Variants in SECISBP2L observed in about 807,000 individuals in gnomAD.
SECISBP2L encodes the protein selenocysteine insertion sequence-binding protein 2-like.
SECISBP2L carries 43 observed loss-of-function variants against 114.7 expected under a neutral mutation model. That is an observed-to-expected ratio of 0.38 (90% confidence interval 0.29 to 0.48). SECISBP2L has a LOEUF of 0.48. SECISBP2L is among the 20% of genes least tolerant of loss of function. The pLI is 0.98. For missense variants in SECISBP2L, 1,136 were observed against 1,301.1 expected (o/e 0.87, Z 1.95); for synonymous variants, 451 against 439.7 (o/e 1.03, Z -0.32).
At chr15:48,993,100 A>AGAGT (rs772299775) in intron 17 of SECISBP2L, among the ~76,000 whole-genome samples, 174 bp from the exon 18 acceptor site, 1,730 of 139,172 alleles carry the variant, frequency 0.012, 13 homozygotes, top group East Asian at 0.036. Context: ...ACAGAGAGAG[A>AGAGT]GTGTGTGTGT....
At chr15:49,026,282 AG>A (rs1902741252) in intron 7 of SECISBP2L, among the ~76,000 whole-genome samples, 1 of 152,168 alleles carries the variant, frequency 6.6e-6, no homozygotes, top group South Asian at 2.1e-4. Flanking sequence ...AGTTACATAG[AG>A]GGAATAAATT....
In SECISBP2L at chr15:48,988,780, C is replaced by T. The variant is rs186695060; in HGVS notation, c.*3464G>A. On this transcript the variant is annotated 3_prime_UTR_variant, in exon 18 of 18. Coordinates refer to ENST00000559471, the MANE Select transcript of SECISBP2L (RefSeq NM_001193489.2). ...AGATGAAAATCCCTTCATGTTATAA[C>T]TCACACTAATTTTGCTAGTTTTTTA... 1.4e-4 allele frequency: 34 copies of T among 247,098 alleles called. No individual in the cohort carries two copies. The East Asian group carries it at 3.0e-3, about 22-fold the overall frequency. The allele number at this position is 247,098 out of a possible 1,614,324, so 15.3% of individuals were successfully genotyped here.
At chr15:49,029,740 T>C (rs1252847792) in intron 4 of SECISBP2L, among the ~76,000 whole-genome samples, 1 of 152,192 alleles carries the variant, frequency 6.6e-6, no homozygotes. Context: ...AGGTACTTAA[T>C]AGACAGTTAT....
intron 14 of SECISBP2L, among the ~76,000 whole-genome samples, chr15:49,009,001 T>C (rs979038989): frequency 6.6e-6 from 1 of 152,330 alleles, no homozygotes; most frequent in South Asian, 2.1e-4. Flanking sequence ...AAAGAGAATA[T>C]ACTTACTGTC....
rs1201439933 is a variant in SECISBP2L, at chr15:48,992,737, G to A, written c.2813C>T (p.Ser938Phe). The change falls in exon 18 of 18, where the codon TCC becomes TTC. Residue 938 changes from serine to phenylalanine, a missense_variant. Physicochemically the swap from Ser to Phe is radical, Grantham distance 155. Transcript: ENST00000559471. ...STTSATSAGKSTASDKEEVKP... is the reference protein window; with the variant it reads ...STTSATSAGKFTASDKEEVKP... ...CACTTCCTCTTTATCACTTGCTGTG[G>A]ATTTCCCAGCACTTGTAGCTGAGGT... The A allele has an allele frequency of 4.3e-6, 7 of 1,614,048 alleles. No individual in the cohort carries two copies. The highest frequency in any genetic ancestry group is 5.1e-6 in the Non-Finnish European group (6 of 1,180,040).
chr15:49,018,780 G>A (rs971401552), intron 8 of SECISBP2L, among the ~76,000 whole-genome samples: 5 of 152,080 alleles, frequency 3.3e-5, no homozygotes, highest in African/African-American at 1.2e-4. Context: ...AACCCAAAGT[G>A]ACCTGTCTCT....
rs559985240 is a variant in SECISBP2L, at chr15:49,037,696, A to G, written c.98T>C (p.Met33Thr). 1 of 1,613,862 alleles carries G rather than the reference A, an allele frequency of 6.2e-7. No homozygotes were observed. The highest frequency in any genetic ancestry group is 1.1e-5 in the South Asian group (1 of 91,000). ...ACTTCCATTATCATTTGGGAGAGCC[A>G]TAGGGATCATAAATGTATCAGGACT... Reference protein sequence around the residue: ...KKSPDTFMIPMALPNDNGSVS... With the variant: ...KKSPDTFMIPTALPNDNGSVS... Residue 33 changes from methionine (M) to threonine (T), a missense_variant, in exon 2 of 18, where the codon ATG (methionine) becomes ACG (threonine). Transcript: ENST00000559471.
chr15:48,993,710 C>T (rs993716535), intron 17 of SECISBP2L, among the ~76,000 whole-genome samples: 1 of 148,348 alleles, frequency 6.7e-6, no homozygotes, highest in Non-Finnish European at 1.5e-5. Context: ...TATAGCTTGG[C>T]TTACAAAGTG....
In SECISBP2L at chr15:49,046,333, G is replaced by A. The variant is rs1027053120; in HGVS notation, c.-34C>T. 2.7e-6 allele frequency: 4 copies of A among 1,505,804 alleles called. No individual in the cohort carries two copies. The African/African-American group carries it at 5.7e-5, about 22-fold the overall frequency. 93.3% of individuals were successfully genotyped at this position (1,505,804 alleles called of 1,614,324 possible). A position where few individuals can be genotyped will look rare whatever the true frequency, so the allele number is the denominator to read the frequency against. ...CAGCCGCAACGGGCCCGCGCTAGTCGGTGTAAACAGCGCCTCGGGCCGCTT... is the reference window on the plus strand; with the variant it reads ...CAGCCGCAACGGGCCCGCGCTAGTCAGTGTAAACAGCGCCTCGGGCCGCTT... On this transcript the variant is annotated 5_prime_UTR_variant, in exon 1 of 18. Coordinates refer to ENST00000559471, the MANE Select transcript of SECISBP2L (RefSeq NM_001193489.2).
intron 2 of SECISBP2L, 107 bp downstream of exon 2, chr15:49,037,484 T>C: frequency 2.1e-6 from 2 of 951,456 alleles, no homozygotes; most frequent in Non-Finnish European, 1.6e-6. Flanking sequence ...CTCCTCTTAA[T>C]AGAGAAATGG....
At chr15:49,008,373 AT>A (rs1048306429) in intron 14 of SECISBP2L, among the ~76,000 whole-genome samples, 2 of 152,216 alleles carry the variant, frequency 1.3e-5, no homozygotes, top group Non-Finnish European at 2.9e-5. Context: ...AAATTGAAGA[AT>A]GCAATCAAAG....
chr15:49,021,943 C>T (rs750577274), intron 7 of SECISBP2L, among the ~76,000 whole-genome samples: 12 of 152,096 alleles, frequency 7.9e-5, no homozygotes, highest in African/African-American at 1.4e-4. Flanking sequence ...GCAGAAGCTA[C>T]GGCTTTGAAT....
rs74014914 is a variant in SECISBP2L at position 49,037,363 on chromosome 15, A to T, written c.203+228T>A. 974 of 354,598 alleles carry T rather than the reference A, an allele frequency of 2.7e-3. 7 individuals are homozygous for T. The highest frequency in any genetic ancestry group is 0.019 in the African/African-American group (905 of 46,512). 22.0% of individuals were successfully genotyped at this position (354,598 alleles called of 1,614,324 possible). A position where few individuals can be genotyped will look rare whatever the true frequency, so the allele number is the denominator to read the frequency against. ...CTTTGAGCTGACTTACTTCAAATAA[A>T]TTTCAATGACTTACTGAAGGAGACA... On this transcript the variant is annotated intron_variant, in intron 2 of 17. Coordinates refer to ENST00000559471, the MANE Select transcript of SECISBP2L (RefSeq NM_001193489.2).
At chr15:49,025,062 T>C (rs896963024) in intron 7 of SECISBP2L, among the ~76,000 whole-genome samples, 2 of 152,180 alleles carry the variant, frequency 1.3e-5, no homozygotes, top group Non-Finnish European at 2.9e-5. Flanking sequence ...GCAATTACAG[T>C]CTCAACAGAA....
intron 8 of SECISBP2L, among the ~76,000 whole-genome samples, chr15:49,018,033 G>A (rs1182880791): frequency 2.0e-5 from 3 of 151,830 alleles, no homozygotes; most frequent in Admixed American, 6.6e-5. Flanking sequence ...TTGTCAATAA[G>A]GTTAAAAACA....
intron 14 of SECISBP2L, among the ~76,000 whole-genome samples, chr15:49,006,966 C>CG (rs1902336095): frequency 6.6e-6 from 1 of 152,140 alleles, no homozygotes; most frequent in Non-Finnish European, 1.5e-5. Flanking sequence ...TGGTGACCTT[C>CG]GGTGGGGTTT....
At chr15:49,033,241 T>C (rs1428070312) in intron 3 of SECISBP2L, 141 bp from the exon 4 acceptor site, 9 of 988,676 alleles carry the variant, frequency 9.1e-6, no homozygotes, top group South Asian at 5.3e-5. Context: ...CATGGGGAAA[T>C]AGTACTAGGG....
chr15:49,002,380 C>G (rs1038678285), intron 14 of SECISBP2L, among the ~76,000 whole-genome samples: 8 of 152,044 alleles, frequency 5.3e-5, no homozygotes, highest in Non-Finnish European at 8.8e-5. Context: ...ATTGCAAAAA[C>G]TTTCTCCCAT....
intron 4 of SECISBP2L, among the ~76,000 whole-genome samples, chr15:49,031,359 AT>A (rs1595794420): frequency 6.6e-6 from 1 of 151,826 alleles, no homozygotes; most frequent in East Asian, 1.9e-4. Context: ...TATTCTTACC[AT>A]TTTCTGCCTA....
Sources: gnomAD v4.1 joint callset for allele counts (sites outside exome capture counted in the v4.1 genomes callset) on GRCh38, gnomAD v4.1.1 for gene constraint, MANE v1.5 for transcripts, NCBI Gene and HGNC (gene_info 2026-07-23, HGNC 2026-07-21) for gene names.